Variants in PCNT observed in about 807,000 individuals in gnomAD.
PCNT encodes pericentrin, also known as kendrin.
A neutral mutation model predicts 380.4 loss-of-function variants in PCNT; 319 were observed. The ratio of observed to expected loss-of-function variants is 0.84; its 90% CI spans 0.77 to 0.92. PCNT has a LOEUF of 0.92. PCNT is among the 40% of genes least tolerant of loss of function. The pLI is 0.00. For synonymous variants in PCNT, 1,845 were observed against 1,735.2 expected, an observed-to-expected ratio of 1.06 and a Z score of -1.57; for missense variants, 4,400 against 4,255.3, an observed-to-expected ratio of 1.03 and a Z score of -0.95.
chr21:46,384,391 G>T (rs1196812685), intron 16 of PCNT, among the ~76,000 whole-genome samples: 1 of 146,958 alleles, frequency 6.8e-6, no homozygotes, highest in African/African-American at 2.5e-5. Flanking sequence ...CGCATTCACG[G>T]TGTTGTGCAT....
chr21:46,370,604 G>A (rs999624536), intron 15 of PCNT, among the ~76,000 whole-genome samples: 81 of 152,098 alleles, frequency 5.3e-4, no homozygotes, highest in African/African-American at 1.9e-3. Context: ...ACATTTAGTT[G>A]CTCTTATAAA....
chr21:46,427,578 A>G (rs774428599), intron 33 of PCNT, 44 bp from the exon 34 acceptor site: 1 of 1,611,612 alleles, frequency 6.2e-7, no homozygotes, highest in South Asian at 1.1e-5. Flanking sequence ...ACAAGGATGC[A>G]GGTGCATTTG....
rs367970080 is a variant in PCNT at position 46,363,606 on chromosome 21, C to T, written c.2281C>T (p.Arg761Trp). Residue 761 changes from arginine to tryptophan, a missense_variant, in exon 14 of 47, where the codon CGG (arginine) becomes TGG (tryptophan). Coordinates refer to ENST00000359568, the MANE Select transcript of PCNT (RefSeq NM_006031.6). ...DWKVMKEELQ[R>W]EAEEKLTLML... ...GAAAGTTATGAAGGAGGAGCTACAG[C>T]GGGAAGCTGAGGAGAAGTTAACATT... is the stretch of plus-strand genomic sequence containing the variant. The T allele has an allele frequency of 6.6e-5, 106 of 1,614,050 alleles. No individual in the cohort carries two copies. The highest frequency in any genetic ancestry group is 2.9e-4 in the South Asian group (26 of 91,074).
At chr21:46,345,110 G>A (rs540459027) in intron 3 of PCNT, among the ~76,000 whole-genome samples, 4 of 152,162 alleles carry the variant, frequency 2.6e-5, no homozygotes, top group Admixed American at 6.5e-5. Flanking sequence ...TTTTCTCTCT[G>A]TAGGCGTCAT....
chr21:46,432,348 C>T (rs932828912), intron 38 of PCNT, 133 bp downstream of exon 38: 35 of 826,436 alleles, frequency 4.2e-5, no homozygotes, highest in East Asian at 4.0e-4. Flanking sequence ...TGTGCCCTGA[C>T]GCTGGCACCA....
Position 46,427,702 on chromosome 21 carries a change from G to T in PCNT, c.7401G>T (p.Met2467Ile). ...AGGCCTTTGAAAAAGAGCAGGAGATGCAGGGGGTTGAGCTGCAGCCCCGAC... is the reference window on the plus strand; with the variant it reads ...AGGCCTTTGAAAAAGAGCAGGAGATTCAGGGGGTTGAGCTGCAGCCCCGAC... Reference protein sequence around the residue: ...VQEAFEKEQEMQGVELQPRLS... With the variant: ...VQEAFEKEQEIQGVELQPRLS... Residue 2467 changes from methionine to isoleucine, a missense_variant, in exon 34 of 47, where the codon ATG becomes ATT. By Grantham distance (10) the Met-to-Ile change is conservative (BLOSUM62 1). Transcript: ENST00000359568. 5 of 1,613,908 alleles carry T rather than the reference G, an allele frequency of 3.1e-6. No homozygotes were observed. Among genetic ancestry groups the T allele is most frequent in the Non-Finnish European group, 3.4e-6 (4 of 1,180,026 alleles).
At position 46,442,290 on chromosome 21, in the gene PCNT, C is replaced by T. The variant is rs150228456; in HGVS notation, c.9624-207C>T. ...GTCAGGTGGTTGGGCATGGGAAGGT[C>T]GCCGCCGCCGGCAGCCCTGCGAGCA... On this transcript the variant is annotated intron_variant, in intron 43 of 46. Transcript: ENST00000359568. Among the ~76,000 whole-genome samples the T allele has an allele frequency of 4.8e-3, 732 of 152,108 alleles. 8 individuals carry two copies. The highest frequency in any genetic ancestry group is 0.016 in the African/African-American group (682 of 41,496).
chr21:46,365,474 G>C (rs1292954367), intron 14 of PCNT, among the ~76,000 whole-genome samples: 17 of 117,304 alleles, frequency 1.4e-4, no homozygotes, highest in South Asian at 6.1e-4. Context: ...TCTGTTCACT[G>C]CCGTGGGGTT....
At chr21:46,393,142 G>C (rs1200722110) in intron 21 of PCNT, among the ~76,000 whole-genome samples, 1 of 152,168 alleles carries the variant, frequency 6.6e-6, no homozygotes, top group African/African-American at 2.4e-5. Flanking sequence ...TCTAAGCCCT[G>C]TTGCCCCCGC....
intron 30 of PCNT, among the ~76,000 whole-genome samples, chr21:46,417,510 T>C (rs2087079551): frequency 6.6e-6 from 1 of 151,670 alleles, no homozygotes; most frequent in Admixed American, 6.6e-5. Flanking sequence ...TTCATATTTT[T>C]AACAGGTTTC....
rs890754555 is a variant in PCNT at position 46,390,992 on chromosome 21, G to A, written c.4003+160G>A. Among the ~76,000 whole-genome samples the A allele has an allele frequency of 2.6e-5, 4 of 152,194 alleles. No individual in the cohort carries two copies. The highest frequency in any genetic ancestry group is 4.8e-5 in the African/African-American group (2 of 41,440). ...ATGGTTTGGGAGGAATGGGGTGGTC[G>A]GGAGCTGCTGCGGCCAGCAGGGCTG... On this transcript the variant is annotated intron_variant, in intron 20 of 46. Transcript: ENST00000359568.
chr21:46,399,455 T>C (rs1167218341), intron 24 of PCNT, 135 bp from the exon 25 acceptor site: 14 of 705,664 alleles, frequency 2.0e-5, no homozygotes, highest in Non-Finnish European at 3.3e-5. Flanking sequence ...CCTGTGAGTC[T>C]AGGTCTCCCT....
intron 13 of PCNT, among the ~76,000 whole-genome samples, chr21:46,360,459 G>A (rs1335291801): frequency 2.1e-5 from 3 of 143,530 alleles, no homozygotes; most frequent in African/African-American, 5.2e-5. Context: ...TCCTGACCTC[G>A]TGATCCGCCT....
intron 27 of PCNT, 135 bp downstream of exon 27, chr21:46,402,618 G>A: frequency 2.3e-6 from 2 of 883,926 alleles, no homozygotes; most frequent in Non-Finnish European, 3.7e-6. Context: ...GGCAGACAGT[G>A]CAGAGAGCGC....
At chr21:46,358,887 G>T (rs2084581037) in intron 13 of PCNT, among the ~76,000 whole-genome samples, 1 of 151,702 alleles carries the variant, frequency 6.6e-6, no homozygotes, top group African/African-American at 2.4e-5. Context: ...TGCAAGCTCT[G>T]CCTCCTGGGT....
intron 37 of PCNT, chr21:46,431,234 G>A: frequency 7.9e-7 from 1 of 1,273,086 alleles, no homozygotes; most frequent in African/African-American, 1.5e-5. Context: ...ATTTTCTGGA[G>A]AGGGGGCGGG....
Position 46,385,895 on chromosome 21 carries a change from C to T in PCNT, c.3376C>T (p.Leu1126=), listed in dbSNP as rs1426398180. ...IEECRSELEV[L]QQRRERENRE... ...AGAGTGCCGCTCCGAGTTGGAGGTG[C>T]TGCAGCAGAGGCGGGAGCGGGAGAA... The change falls in exon 17 of 47, where the codon CTG becomes TTG. Residue 1126 remains leucine (L), a synonymous_variant. Transcript: ENST00000359568. The T allele has an allele frequency of 2.5e-6, 4 of 1,614,226 alleles. No homozygotes were observed. In the Admixed American group the frequency reaches 5.0e-5, roughly 20 times the overall value.
rs112672165 is a variant in PCNT, at chr21:46,379,895, A to G, written c.3166-1799A>G. ...CTTCACCCCTGCTGTGCCAAGCCACATGGTCACTGCAGCCGGCCCAGGACC... is the reference window on the plus strand; with the variant it reads ...CTTCACCCCTGCTGTGCCAAGCCACGTGGTCACTGCAGCCGGCCCAGGACC... On this transcript the variant is annotated intron_variant, in intron 15 of 46. Coordinates refer to ENST00000359568, the MANE Select transcript of PCNT (RefSeq NM_006031.6). 3.0e-4 allele frequency among the ~76,000 whole-genome samples: 45 copies of G among 152,276 alleles called. 2 individuals are homozygous for G. The highest frequency in any genetic ancestry group is 9.9e-4 in the African/African-American group (41 of 41,562).
At position 46,346,734 on chromosome 21, in the gene PCNT, C is replaced by G; in HGVS notation, c.721-9C>G. The G allele has an allele frequency of 6.3e-7, 1 of 1,593,414 alleles. No homozygotes were observed. Among genetic ancestry groups the G allele is most frequent in the African/African-American group, 1.3e-5 (1 of 74,896 alleles). ...TGGGCCCTTATCAGAGGCCTTTTCT[C>G]CGCCGCAGGCCGTGCATGGCCTTGA... On this transcript the variant is annotated splice_polypyrimidine_tract_variant and intron_variant, in intron 4 of 46. Transcript: ENST00000359568.
Sources: allele counts gnomAD v4.1 joint callset (sites outside exome capture counted in the v4.1 genomes callset), GRCh38; gene constraint gnomAD v4.1.1; transcripts MANE v1.5; gene names NCBI Gene and HGNC (gene_info 2026-07-23, HGNC 2026-07-21).